Variants in UNC5C observed in about 807,000 individuals in gnomAD.
UNC5C encodes netrin receptor UNC5C.
Under a neutral mutation model 99.8 loss-of-function variants are expected in UNC5C, and 47 were observed. The observed-to-expected ratio is 0.47, with a 90% CI of 0.37 to 0.60. UNC5C has a LOEUF of 0.60. UNC5C is among the 20% of genes least tolerant of loss of function. The probability of loss-of-function intolerance (pLI) is 0.00; values close to 1 mark genes in which losing one functional copy is unlikely to be tolerated. For missense variants in UNC5C, 1,062 were observed against 1,165.9 expected (o/e 0.91, Z 1.30); for synonymous variants, 487 against 452.2 (o/e 1.08, Z -0.98).
chr4:95,257,543 G>T (rs991601318), intron 4 of UNC5C, among the ~76,000 whole-genome samples: 1 of 152,224 alleles, frequency 6.6e-6, no homozygotes, highest in African/African-American at 2.4e-5. Flanking sequence ...GGTGCAAGGG[G>T]CACTCATCTT....
rs2149341739 is a variant in UNC5C, at chr4:95,166,945, A to G, written c.*2289T>C. On this transcript the variant is annotated 3_prime_UTR_variant, in exon 16 of 16. Transcript: ENST00000453304. ...CAGTGTACAAATATTTTAAATATGG[A>G]AATCCTAATGCAGGGGGTGGGCTGA... 6.6e-6 allele frequency: 1 copy of G among 152,182 alleles called. No individual in the cohort carries two copies. The highest frequency in any genetic ancestry group is 1.9e-4 in the East Asian group (1 of 5,172). 9.4% of individuals were successfully genotyped at this position (152,182 alleles called of 1,614,324 possible). A position where few individuals can be genotyped will look rare whatever the true frequency, so the allele number is the denominator to read the frequency against.
Position 95,462,274 on chromosome 4 carries a change from A to G in UNC5C, c.124+86460T>C, listed in dbSNP as rs184370088. ...CAGTAAATAGTTATAAATGTAGACA[A>G]CAAAAAAATGGGACATTCAAACTAG... is the stretch of plus-strand genomic sequence containing the variant. On this transcript the variant is annotated intron_variant, in intron 1 of 15. Transcript: ENST00000453304. Among the ~76,000 whole-genome samples, 256 of 152,334 alleles carry G rather than the reference A, an allele frequency of 1.7e-3. 2 individuals carry two copies. The highest frequency in any genetic ancestry group is 6.0e-3 in the African/African-American group (248 of 41,574).
chr4:95,174,090 C>T (rs776200985), intron 14 of UNC5C, among the ~76,000 whole-genome samples: 19 of 151,762 alleles, frequency 1.3e-4, no homozygotes, highest in Admixed American at 7.9e-4. Flanking sequence ...TGGTGATATC[C>T]CCTTTATCAT....
chr4:95,219,721 A>T (rs1399615539), intron 8 of UNC5C, among the ~76,000 whole-genome samples: 1 of 152,188 alleles, frequency 6.6e-6, no homozygotes, highest in Non-Finnish European at 1.5e-5. Context: ...AGACTCAAGA[A>T]ATCAGTCAAC....
intron 1 of UNC5C, among the ~76,000 whole-genome samples, chr4:95,462,826 C>T (rs967492483): frequency 1.3e-5 from 2 of 152,160 alleles, no homozygotes; most frequent in Admixed American, 1.3e-4. Flanking sequence ...ATTTGATTCT[C>T]TAGATCCTTT....
intron 4 of UNC5C, among the ~76,000 whole-genome samples, chr4:95,271,128 C>G (rs143785690): frequency 6.6e-6 from 1 of 152,238 alleles, no homozygotes; most frequent in Non-Finnish European, 1.5e-5. Flanking sequence ...TTTGAAAACC[C>G]TCCTGCTCTG....
At chr4:95,543,639 A>AT in intron 1 of UNC5C, among the ~76,000 whole-genome samples, 1 of 152,262 alleles carries the variant, frequency 6.6e-6, no homozygotes, top group South Asian at 2.1e-4. Context: ...TAAAGGTCTG[A>AT]TTTTCCCCAA....
chr4:95,393,547 T>C (rs1450998909), intron 1 of UNC5C, among the ~76,000 whole-genome samples: 1 of 152,238 alleles, frequency 6.6e-6, no homozygotes, highest in East Asian at 1.9e-4. Flanking sequence ...AGGACTTGAT[T>C]AGGAAGTTCC....
chr4:95,374,524 C>T (rs1579367412), intron 1 of UNC5C, among the ~76,000 whole-genome samples: 1 of 152,154 alleles, frequency 6.6e-6, no homozygotes, highest in Non-Finnish European at 1.5e-5. Flanking sequence ...CAGGGATTTA[C>T]ACACTGACAG....
chr4:95,376,767 A>G (rs953882570), intron 1 of UNC5C, among the ~76,000 whole-genome samples: 3 of 152,228 alleles, frequency 2.0e-5, no homozygotes, highest in Admixed American at 6.5e-5. Context: ...ATTGTTGTGT[A>G]TAATGAATAC....
rs754600000 is a variant in UNC5C at position 95,301,730 on chromosome 4, C to T, written c.366G>A (p.Val122=). 6.2e-7 allele frequency: 1 copy of T among 1,612,906 alleles called. No homozygotes were observed. The highest frequency in any genetic ancestry group is 1.7e-5 in the Admixed American group (1 of 60,026). ...CTTGCTGGCGCGAAATCTCAATGCT[C>T]ACTTCCCGGACAATGAGACCTGACA... ...DETSGLIVRE[V]SIEISRQQVE... is the part of the protein sequence containing the mutation. The change falls in exon 3 of 16, where the codon GTG becomes GTA. Residue 122 remains valine (V), a synonymous_variant. Coordinates refer to ENST00000453304, the MANE Select transcript of UNC5C (RefSeq NM_003728.4).
chr4:95,423,580 A>C (rs923864919), intron 1 of UNC5C, among the ~76,000 whole-genome samples: 1 of 152,222 alleles, frequency 6.6e-6, no homozygotes, highest in Non-Finnish European at 1.5e-5. Flanking sequence ...AAATAAATAC[A>C]TTTTGAGATT....
chr4:95,471,263 A>G (rs906676915), intron 1 of UNC5C, among the ~76,000 whole-genome samples: 1 of 152,120 alleles, frequency 6.6e-6, no homozygotes, highest in Non-Finnish European at 1.5e-5. Context: ...ATTACGCTAA[A>G]AGCATAACAA....
intron 1 of UNC5C, among the ~76,000 whole-genome samples, chr4:95,513,468 G>C (rs964005557): frequency 6.6e-6 from 1 of 152,084 alleles, no homozygotes; most frequent in Admixed American, 6.6e-5. Context: ...GCATTATTAA[G>C]TATGACCTCT....
intron 2 of UNC5C, among the ~76,000 whole-genome samples, chr4:95,330,922 A>T (rs938620619): frequency 2.0e-5 from 3 of 152,066 alleles, no homozygotes; most frequent in Non-Finnish European, 4.4e-5. Flanking sequence ...CCTGAATAAC[A>T]TACACTGTAC....
chr4:95,423,212 G>C (rs567935006), intron 1 of UNC5C, among the ~76,000 whole-genome samples: 88 of 152,232 alleles, frequency 5.8e-4, no homozygotes, highest in Non-Finnish European at 1.1e-3. Context: ...AGACTGACAG[G>C]AATTTCTCTC....
At chr4:95,526,142 G>C (rs1722492796) in intron 1 of UNC5C, among the ~76,000 whole-genome samples, 1 of 152,132 alleles carries the variant, frequency 6.6e-6, no homozygotes, top group Non-Finnish European at 1.5e-5. Flanking sequence ...TCCACTGTGA[G>C]CATGATCTAA....
chr4:95,426,447 G>GT (rs2149458630), intron 1 of UNC5C, among the ~76,000 whole-genome samples: 1 of 152,294 alleles, frequency 6.6e-6, no homozygotes, highest in African/African-American at 2.4e-5. Flanking sequence ...TGACCTCTAA[G>GT]TGTTCAAGTG....
intron 10 of UNC5C, among the ~76,000 whole-genome samples, chr4:95,208,127 T>C (rs1448489139): frequency 1.3e-5 from 2 of 152,316 alleles, no homozygotes; most frequent in Admixed American, 6.5e-5. Context: ...CACCTTGAAC[T>C]CAACACTCAA....
Sources: allele counts gnomAD v4.1 joint callset (sites outside exome capture counted in the v4.1 genomes callset), GRCh38; gene constraint gnomAD v4.1.1; transcripts MANE v1.5; gene names NCBI Gene and HGNC (gene_info 2026-07-23, HGNC 2026-07-21).